BAG6: variants seen among roughly 807,000 people sequenced by gnomAD.
BAG6 encodes the protein BAG cochaperone 6, also known as large proline-rich protein BAG6.
BAG6 carries 22 observed loss-of-function variants against 121.0 expected under a neutral mutation model. That is an observed-to-expected ratio of 0.18 (90% CI 0.13 to 0.26). The LOEUF is 0.26. BAG6 is among the 10% of genes least tolerant of loss of function. The probability of loss-of-function intolerance (pLI) is 1.00; values close to 1 mark genes in which losing one functional copy is unlikely to be tolerated. For missense variants in BAG6, 1,233 were observed against 1,537.7 expected, an observed-to-expected ratio of 0.80 and a Z score of 3.31; for synonymous variants, 583 against 584.6, an observed-to-expected ratio of 1.00 and a Z score of 0.04.
chr6:31,650,520 G>C (rs1370273492), intron 2 of BAG6, among the ~76,000 whole-genome samples: 2 of 151,840 alleles, frequency 1.3e-5, no homozygotes, highest in Non-Finnish European at 2.9e-5. Flanking sequence ...AAATTAGCCG[G>C]GCGTGGTAGT....
chr6:31,649,300 T>G lies in BAG6; in HGVS notation c.322A>C (p.Thr108Pro), dbSNP rs750662811. The change falls in exon 4 of 26, where the codon ACT becomes CCT. Residue 108 changes from threonine to proline, a missense_variant. This residue lies in a region of BAG6 where 777 missense variants were observed against 861.4 expected (regional missense o/e 0.90). Coordinates refer to ENST00000676615, the MANE Select transcript of BAG6 (RefSeq NM_001387994.1). ...ASSGTGSASA[T>P]HGGGSPPGTR... is the part of the protein sequence containing the mutation. ...CCAGGGGGGGATCCCCCACCATGAG[T>G]GGCTGAGGCAGACCCCGTCCCAGAA... is the stretch of plus-strand genomic sequence containing the variant. The G allele has an allele frequency of 8.0e-5, 129 of 1,613,054 alleles. 3 individuals are homozygous for G. In the South Asian group the frequency reaches 1.3e-3, roughly 17 times the overall value.
At chr6:31,650,282 G>A (rs915039067) in intron 2 of BAG6, among the ~76,000 whole-genome samples, 5 of 152,024 alleles carry the variant, frequency 3.3e-5, no homozygotes, top group Non-Finnish European at 7.4e-5. Context: ...TTATTTACCA[G>A]ACTCTCCTGT....
intron 25 of BAG6, 36 bp from the exon 26 acceptor site, chr6:31,639,262 G>A (rs1467026367): frequency 6.3e-7 from 1 of 1,584,178 alleles, no homozygotes; most frequent in East Asian, 2.3e-5. Context: ...GAGAAACGCT[G>A]GCCAAGTCCC....
chr6:31,648,252 G>A (rs1249259225), intron 6 of BAG6, among the ~76,000 whole-genome samples: 1 of 152,062 alleles, frequency 6.6e-6, no homozygotes, highest in South Asian at 2.1e-4. Flanking sequence ...CTGACCACAC[G>A]TTATCCCCCT....
In BAG6 at chr6:31,648,956, G is replaced by A; in HGVS notation, c.432C>T (p.Gly144=). 6.5e-7 allele frequency: 1 copy of A among 1,527,530 alleles called. No individual in the cohort carries two copies. Among genetic ancestry groups the A allele is most frequent in the Non-Finnish European group, 8.8e-7 (1 of 1,140,734 alleles). The allele number at this position is 1,527,530 out of a possible 1,614,324, so 94.6% of individuals were successfully genotyped here. Residue 144 remains glycine, a synonymous_variant, in exon 5 of 26, where the codon GGC becomes GGT. Transcript: ENST00000676615. ...MVGTFNLPSD[G]SAVDVHINME... Reference sequence around the variant, plus strand: ...TGTTGATGTGAACATCCACAGCAGAGCCGTCACTCTGGGGAAAGGGTAAGG... The same window carrying A: ...TGTTGATGTGAACATCCACAGCAGAACCGTCACTCTGGGGAAAGGGTAAGG...
Position 31,643,127 on chromosome 6 carries a change from C to A in BAG6, c.1757-12G>T. On this transcript the variant is annotated splice_polypyrimidine_tract_variant and intron_variant, in intron 14 of 25. Transcript: ENST00000676615. Reference sequence around the variant, plus strand: ...TGGGGTCCCCTGAGCTGTAAGAAACCAAAAAAAGAAAGCTGGGCTGAGCAT... The same window carrying A: ...TGGGGTCCCCTGAGCTGTAAGAAACAAAAAAAAGAAAGCTGGGCTGAGCAT... 6.5e-7 allele frequency: 1 copy of A among 1,543,556 alleles called. No homozygotes were observed. The highest frequency in any genetic ancestry group is 2.2e-5 in the Admixed American group (1 of 45,882).
At chr6:31,648,575 G>T in intron 6 of BAG6, 102 bp downstream of exon 6, 1 of 1,172,738 alleles carries the variant, frequency 8.5e-7, no homozygotes. Context: ...AGATTATGAA[G>T]GCCAAACCCT....
In BAG6 at chr6:31,647,785, C is replaced by T. The variant is rs1178043012; in HGVS notation, c.594G>A (p.Pro198=). 24 of 1,582,554 alleles carry T rather than the reference C, an allele frequency of 1.5e-5. No individual in the cohort carries two copies. Among genetic ancestry groups the T allele is most frequent in the Non-Finnish European group, 1.9e-5 (22 of 1,168,014 alleles). ...GPQPQHSQPP[P]QPPAVTPEPV... is the part of the protein sequence containing the mutation. ...GCTCCGGGGTCACAGCCGGTGGCTG[C>T]GGGGGCGGCTGACTGTGCTGCGGTT... Residue 198 remains proline (P), a synonymous_variant, in exon 7 of 26, where the codon CCG becomes CCA. Transcript: ENST00000676615.
chr6:31,639,858 G>A (rs1561871795), intron 24 of BAG6: 3 of 693,102 alleles, frequency 4.3e-6, no homozygotes, highest in Admixed American at 3.1e-5. Context: ...GTGCTTGAAC[G>A]TGCTCTTCAA....
rs573098095 is a variant in BAG6 at position 31,643,127 on chromosome 6, C to CA, written c.1757-13dup. On this transcript the variant is annotated splice_polypyrimidine_tract_variant and intron_variant, in intron 14 of 25. Coordinates refer to ENST00000676615, the MANE Select transcript of BAG6 (RefSeq NM_001387994.1). ...TGGGGTCCCCTGAGCTGTAAGAAAC[C>CA]AAAAAAAGAAAGCTGGGCTGAGCAT... is the stretch of plus-strand genomic sequence containing the variant. 9.2e-4 allele frequency: 1,413 copies of CA among 1,543,558 alleles called. No homozygotes were observed. The highest frequency in any genetic ancestry group is 1.2e-3 in the Non-Finnish European group (1,341 of 1,155,922).
At chr6:31,649,113 A>G in intron 4 of BAG6, 86 bp downstream of exon 4, 1 of 1,560,094 alleles carries the variant, frequency 6.4e-7, no homozygotes, top group South Asian at 1.1e-5. Flanking sequence ...CAATCTAAAG[A>G]TGGAAGCATC....
At chr6:31,639,910 T>A in intron 24 of BAG6, 1 of 615,998 alleles carries the variant, frequency 1.6e-6, no homozygotes, top group Non-Finnish European at 2.8e-6. Flanking sequence ...GATTCAGAGC[T>A]AGGTAATCCA....
chr6:31,647,952 A>C, intron 6 of BAG6, 126 bp from the exon 7 acceptor site: 1 of 1,267,986 alleles, frequency 7.9e-7, no homozygotes, highest in Non-Finnish European at 1.0e-6. Context: ...CTGCAATTTT[A>C]TCTCCGACTC....
chr6:31,640,346 C>G lies in BAG6; in HGVS notation c.3138+39G>C. ...AGAAAATAGTAATGTCCTTGACTTT[C>G]AGCTGCCATGACCCACTGGATTACT... On this transcript the variant is annotated intron_variant, in intron 23 of 25. Coordinates refer to ENST00000676615, the MANE Select transcript of BAG6 (RefSeq NM_001387994.1). This position sits in a 1 kb window ranked among gnomAD's most constrained non-coding sequence, Gnocchi z 4.2. 3 of 1,614,198 alleles carry G rather than the reference C, an allele frequency of 1.9e-6. No individual in the cohort carries two copies. The highest frequency in any genetic ancestry group is 2.5e-6 in the Non-Finnish European group (3 of 1,180,028).
rs949095870 is a variant in BAG6, at chr6:31,651,567, T to C, written c.108+89A>G. On this transcript the variant is annotated intron_variant, in intron 2 of 25. Coordinates refer to ENST00000676615, the MANE Select transcript of BAG6 (RefSeq NM_001387994.1). ...AAAAAGAAAAAAAAAGAAAATCTGGTGACCAGAAAATCAAGCTCATCTCTC... is the reference window on the plus strand; with the variant it reads ...AAAAAGAAAAAAAAAGAAAATCTGGCGACCAGAAAATCAAGCTCATCTCTC... The C allele has an allele frequency of 4.2e-6, 5 of 1,196,976 alleles. No individual in the cohort carries two copies. In the African/African-American group the frequency reaches 6.2e-5, roughly 15 times the overall value. 74.1% of individuals were successfully genotyped at this position (1,196,976 alleles called of 1,614,324 possible).
intron 14 of BAG6, 25 bp from the exon 15 acceptor site, chr6:31,643,140 C>T (rs1398842687): frequency 6.5e-7 from 1 of 1,533,430 alleles, no homozygotes; most frequent in East Asian, 2.3e-5. Flanking sequence ...AAAAAGAAAG[C>T]TGGGCTGAGC....
Position 31,644,316 on chromosome 6 carries a change from C to T in BAG6, c.1546G>A (p.Ala516Thr), listed in dbSNP as rs545591588. ...CCTTCCAGGTCATTACCTGCGGCCG[C>T]GGAGGCAACAGCTGCCACCATGGCC... is the stretch of plus-strand genomic sequence containing the variant. ...HQAMVAAVAS[A>T]AAGQQVPGFP... is the part of the protein sequence containing the mutation. The change falls in exon 12 of 26, where the codon GCG becomes ACG. Residue 516 changes from alanine (A) to threonine (T), a missense_variant. Physicochemically the swap from Ala to Thr is moderately conservative, Grantham distance 58. Around this residue, in one of 7 missense-constraint regions of BAG6, gnomAD observed 777 missense variants for 861.4 expected, o/e 0.90. Transcript: ENST00000676615. This position sits in a 1 kb window ranked among gnomAD's most constrained non-coding sequence, Gnocchi z 4.9. 2.9e-4 allele frequency: 456 copies of T among 1,551,922 alleles called. 5 individuals carry two copies. The South Asian group carries it at 3.9e-3, about 13-fold the overall frequency.
chr6:31,641,079 G>A lies in BAG6; in HGVS notation c.2787+25C>T. ...GAAACCTCAGGAAACAAAAGGCTAAGGATCTGGGGCTAGGTGGTGCTTACA... is the reference window on the plus strand; with the variant it reads ...GAAACCTCAGGAAACAAAAGGCTAAAGATCTGGGGCTAGGTGGTGCTTACA... On this transcript the variant is annotated intron_variant, in intron 20 of 25. Coordinates refer to ENST00000676615, the MANE Select transcript of BAG6 (RefSeq NM_001387994.1). This position sits in a 1 kb window ranked among gnomAD's most constrained non-coding sequence, Gnocchi z 5.7. 4 of 1,612,394 alleles carry A rather than the reference G, an allele frequency of 2.5e-6. No individual in the cohort carries two copies. Among genetic ancestry groups the A allele is most frequent in the Non-Finnish European group, 2.5e-6 (3 of 1,179,556 alleles).
In BAG6 at chr6:31,646,460, G is replaced by A. The variant is rs750744081; in HGVS notation, c.852C>T (p.Leu284=). 3 of 1,612,966 alleles carry A rather than the reference G, an allele frequency of 1.9e-6. No individual in the cohort carries two copies. The highest frequency in any genetic ancestry group is 2.2e-5 in the East Asian group (1 of 44,886). The change falls in exon 8 of 26, where the codon CTC becomes CTT. Residue 284 remains leucine (L), a synonymous_variant. Transcript: ENST00000676615. ...LQELQRLESR[L]QPFLQRYYEV... Reference sequence around the variant, plus strand: ...CGTAGTAGCGCTGCAAGAAGGGCTGGAGGCGACTCTCCAGCCGCTGTAGCT... The same window carrying A: ...CGTAGTAGCGCTGCAAGAAGGGCTGAAGGCGACTCTCCAGCCGCTGTAGCT...
Sources: gnomAD v4.1 joint callset for allele counts (sites outside exome capture counted in the v4.1 genomes callset) on GRCh38, gnomAD v4.1.1 for gene constraint, gnomAD v4.1.1 regional missense constraint, Gnocchi (gnomAD v3.1) non-coding constraint, MANE v1.5 for transcripts, NCBI Gene and HGNC (gene_info 2026-07-23, HGNC 2026-07-21) for gene names.